Variants in KSR2 observed in about 807,000 individuals in gnomAD.
KSR2 encodes kinase suppressor of ras 2.
Under a neutral mutation model 107.8 loss-of-function variants are expected in KSR2, and 25 were observed. That is an observed-to-expected ratio of 0.23 (90% confidence interval 0.17 to 0.32). The LOEUF (loss-of-function observed/expected upper bound fraction) is 0.32, where lower values mean the gene tolerates loss of function less well. KSR2 is among the 10% of genes least tolerant of loss of function. KSR2 has a pLI of 1.00. For missense variants in KSR2, 887 were observed against 1,268.9 expected, an observed-to-expected ratio of 0.70 and a Z score of 4.57; for synonymous variants, 480 against 507.0, an observed-to-expected ratio of 0.95 and a Z score of 0.71.
At chr12:117,553,081 G>A (rs572293136) in intron 9 of KSR2, among the ~76,000 whole-genome samples, 13 of 152,182 alleles carry the variant, frequency 8.5e-5, no homozygotes, top group South Asian at 2.1e-4. Context: ...TTTTACCTAC[G>A]GGAAAACTGA....
chr12:117,912,122 A>G (rs1249245750), intron 1 of KSR2, among the ~76,000 whole-genome samples: 1 of 152,260 alleles, frequency 6.6e-6, no homozygotes, highest in East Asian at 1.9e-4. Flanking sequence ...AAAGTGGCGT[A>G]GGGCTCTCTC....
intron 1 of KSR2, among the ~76,000 whole-genome samples, chr12:117,956,698 A>C (rs1177481907): frequency 6.6e-6 from 1 of 152,084 alleles, no homozygotes; most frequent in South Asian, 2.1e-4. Flanking sequence ...AGGCCAAGGC[A>C]GGAGGATCAC....
intron 7 of KSR2, among the ~76,000 whole-genome samples, chr12:117,569,051 T>C (rs949119939): frequency 2.6e-5 from 4 of 152,172 alleles, no homozygotes; most frequent in African/African-American, 9.7e-5. Context: ...TTCCCCACTT[T>C]TTAAGGTCTG....
At chr12:117,925,510 A>T (rs1053799290) in intron 1 of KSR2, among the ~76,000 whole-genome samples, 2 of 152,364 alleles carry the variant, frequency 1.3e-5, no homozygotes, top group Non-Finnish European at 2.9e-5. Context: ...GGAGAAGATC[A>T]TTAATGCTGA....
chr12:117,813,867 T>C (rs574202862), intron 3 of KSR2, among the ~76,000 whole-genome samples: 56 of 152,332 alleles, frequency 3.7e-4, no homozygotes, highest in African/African-American at 1.3e-3. Context: ...AGATATGGAT[T>C]GACCCAAGTG....
chr12:117,672,263 A>G (rs142561947), intron 4 of KSR2, among the ~76,000 whole-genome samples: 1 of 152,190 alleles, frequency 6.6e-6, no homozygotes, highest in Non-Finnish European at 1.5e-5. Context: ...CTGTGTACTT[A>G]AGATTTAGTG....
chr12:117,636,895 C>CA (rs55865969), intron 5 of KSR2, among the ~76,000 whole-genome samples: 25,054 of 151,950 alleles, frequency 0.16, 2,138 homozygotes, highest in Middle Eastern at 0.24. Context: ...CAGACATTTG[C>CA]CACATATATA....
intron 9 of KSR2, among the ~76,000 whole-genome samples, chr12:117,553,733 C>CT (rs1877467970): frequency 6.6e-6 from 1 of 151,990 alleles, no homozygotes; most frequent in Non-Finnish European, 1.5e-5. Context: ...AGTTTGATCC[C>CT]TTTTTTTGCG....
intron 4 of KSR2, among the ~76,000 whole-genome samples, chr12:117,711,724 T>G (rs1886790087): frequency 6.6e-6 from 1 of 152,242 alleles, no homozygotes; most frequent in East Asian, 1.9e-4. Context: ...GAAGGATCTT[T>G]CTGAAATTCT....
chr12:117,959,935 G>GAAA (rs143626382), intron 1 of KSR2, among the ~76,000 whole-genome samples: 2 of 99,032 alleles, frequency 2.0e-5, no homozygotes, highest in Non-Finnish European at 4.3e-5. Context: ...TGTCTCAAAA[G>GAAA]AAAAAAAAAA....
chr12:117,947,196 A>AAG (rs1566094508), intron 1 of KSR2, among the ~76,000 whole-genome samples: 1 of 89,278 alleles, frequency 1.1e-5, no homozygotes, highest in Non-Finnish European at 2.3e-5. Context: ...GAAAAGAAAG[A>AAG]AAAGAAAGAA....
At chr12:117,821,353 C>G (rs781174339) in intron 3 of KSR2, among the ~76,000 whole-genome samples, 3 of 152,260 alleles carry the variant, frequency 2.0e-5, no homozygotes, top group Admixed American at 6.5e-5. Context: ...CTTCCTCCTC[C>G]TCTTCAACCT....
At chr12:117,801,547 C>A (rs1890833493) in intron 3 of KSR2, among the ~76,000 whole-genome samples, 1 of 152,128 alleles carries the variant, frequency 6.6e-6, no homozygotes, top group Non-Finnish European at 1.5e-5. Flanking sequence ...AGGAAACTTA[C>A]AATCCTAGCA....
chr12:117,864,283 C>A (rs1893402501), intron 1 of KSR2, among the ~76,000 whole-genome samples: 1 of 152,114 alleles, frequency 6.6e-6, no homozygotes, highest in Non-Finnish European at 1.5e-5. Context: ...ATCTACTGAG[C>A]ATTATTTTTC....
intron 4 of KSR2, among the ~76,000 whole-genome samples, chr12:117,710,408 A>G (rs1216907682): frequency 6.6e-6 from 1 of 152,236 alleles, no homozygotes; most frequent in Non-Finnish European, 1.5e-5. Context: ...AGTGTGTATT[A>G]GGGCTGGGCA....
At chr12:117,562,076 T>C (rs770957578) in intron 7 of KSR2, among the ~76,000 whole-genome samples, 8 of 151,878 alleles carry the variant, frequency 5.3e-5, no homozygotes, top group Non-Finnish European at 1.2e-4. Context: ...TTGGGGGGAA[T>C]GATGGGGTAT....
intron 14 of KSR2, among the ~76,000 whole-genome samples, chr12:117,491,688 A>G (rs1872752791): frequency 6.6e-6 from 1 of 152,294 alleles, no homozygotes; most frequent in South Asian, 2.1e-4. Context: ...TGCTACAATG[A>G]ACCGGGGGAG....
intron 4 of KSR2, among the ~76,000 whole-genome samples, chr12:117,731,747 G>A (rs542176566): frequency 2.3e-3 from 357 of 151,976 alleles, no homozygotes; most frequent in Non-Finnish European, 4.3e-3. Flanking sequence ...CCAACCCCGT[G>A]CTCTCTGAAA....
intron 1 of KSR2, among the ~76,000 whole-genome samples, chr12:117,953,173 T>C (rs1194352775): frequency 6.6e-6 from 1 of 151,896 alleles, no homozygotes; most frequent in Non-Finnish European, 1.5e-5. Flanking sequence ...AGCTATAATT[T>C]TAAAAATGAA....
Sources: allele counts gnomAD v4.1 joint callset (sites outside exome capture counted in the v4.1 genomes callset), GRCh38; gene constraint gnomAD v4.1.1; transcripts MANE v1.5; gene names NCBI Gene and HGNC (gene_info 2026-07-23, HGNC 2026-07-21).